The following NMRK1 variants were observed in gnomAD, a reference collection of about 807,000 sequenced individuals.
NMRK1 encodes the protein NRK 1.
NMRK1 carries 28 observed loss-of-function variants against 29.9 expected under a neutral mutation model. The ratio of observed to expected loss-of-function variants is 0.94; its 90% CI spans 0.69 to 1.28. The LOEUF (loss-of-function observed/expected upper bound fraction) is 1.28, where lower values mean the gene tolerates loss of function less well. Ranked by LOEUF, NMRK1 falls within the 50% of genes most tolerant of loss-of-function variation. NMRK1 has a pLI of 0.00. For synonymous variants in NMRK1, 58 were observed against 73.0 expected, an observed-to-expected ratio of 0.79 and a Z score of 1.05; for missense variants, 218 against 233.1, an observed-to-expected ratio of 0.94 and a Z score of 0.42.
chr9:75,085,733 T>TTTG (rs1486844335), intron 1 of NMRK1, among the ~76,000 whole-genome samples: 16 of 131,838 alleles, frequency 1.2e-4, no homozygotes, highest in South Asian at 2.5e-4. Context: ...TAAGTTTTTT[T>TTTG]TTTTTTTTTT....
chr9:75,085,955 C>T (rs1328140699), intron 1 of NMRK1, among the ~76,000 whole-genome samples: 1 of 150,488 alleles, frequency 6.6e-6, no homozygotes, highest in African/African-American at 2.4e-5. Context: ...GCCTAGCAAT[C>T]CCTGAAGGCA....
At chr9:75,080,714 G>C (rs1237439250) in intron 2 of NMRK1, among the ~76,000 whole-genome samples, 1 of 152,228 alleles carries the variant, frequency 6.6e-6, no homozygotes, top group Non-Finnish European at 1.5e-5. Flanking sequence ...CATGAGGGCA[G>C]ATCGCTCATG....
At position 75,066,759 on chromosome 9, in the gene NMRK1, T is replaced by A. The variant is rs1823377061; in HGVS notation, c.578A>T (p.Lys193Met). ...CACTTTGTTAGCACAATACTTACAC[T>A]TTTGCTTTGCTAGTTCTTGTATTAG... Reference protein sequence around the residue: ...EDLIQELAKQKCLQVTA With the variant: ...EDLIQELAKQMCLQVTA The change falls in exon 8 of 9, where the codon AAG becomes ATG. Residue 193 changes from lysine (K) to methionine (M), a missense_variant and splice_region_variant. Coordinates refer to ENST00000361092, the MANE Select transcript of NMRK1 (RefSeq NM_017881.3). The A allele has an allele frequency of 6.4e-7, 1 of 1,567,440 alleles. No homozygotes were observed. The highest frequency in any genetic ancestry group is 8.8e-7 in the Non-Finnish European group (1 of 1,137,616).
intron 2 of NMRK1, among the ~76,000 whole-genome samples, chr9:75,079,070 A>G (rs954194480): frequency 1.3e-5 from 2 of 152,222 alleles, no homozygotes; most frequent in African/African-American, 4.8e-5. Flanking sequence ...GCTTAATCCC[A>G]GATGAGATCA....
intron 8 of NMRK1, among the ~76,000 whole-genome samples, chr9:75,063,301 A>G (rs560795310): frequency 0.19 from 18,220 of 97,836 alleles, 1,612 homozygotes; most frequent in Non-Finnish European, 0.25. Context: ...GCGAGACTCC[A>G]TCTCAAAAAA....
intron 8 of NMRK1, among the ~76,000 whole-genome samples, chr9:75,063,800 A>G (rs925056814): frequency 7.2e-5 from 11 of 152,192 alleles, no homozygotes; most frequent in African/African-American, 2.7e-4. Context: ...TGCTGAGGGT[A>G]CCTTCAGGAA....
Position 75,069,952 on chromosome 9 carries a change from T to C in NMRK1, c.260A>G (p.Glu87Gly). Residue 87 changes from glutamate to glycine, a missense_variant, in exon 5 of 9, where the codon GAA (glutamate) becomes GGA (glycine). Coordinates refer to ENST00000361092, the MANE Select transcript of NMRK1 (RefSeq NM_017881.3). ...ARHSVVSTDQ[E>G]SAEEIPILII... ...TAAAATGGGAATTTCCTCAGCACTTTCCTGGTCTGTTGATACCACAGAGTG... is the reference window on the plus strand; with the variant it reads ...TAAAATGGGAATTTCCTCAGCACTTCCCTGGTCTGTTGATACCACAGAGTG... The C allele has an allele frequency of 6.2e-7, 1 of 1,614,042 alleles. No individual in the cohort carries two copies. The highest frequency in any genetic ancestry group is 8.5e-7 in the Non-Finnish European group (1 of 1,179,946).
At position 75,070,634 on chromosome 9, in the gene NMRK1, C is replaced by T. The variant is rs1055795774; in HGVS notation, c.170-592G>A. 2.6e-5 allele frequency among the ~76,000 whole-genome samples: 4 copies of T among 152,270 alleles called. No homozygotes were observed. The South Asian group carries it at 6.2e-4, about 24-fold the overall frequency. The stretch of plus-strand genomic sequence containing the variant: ...AGCTTTTAAAAGTATGGTACTTAAA[C>T]CAGTAGTATTAGCATCACCTGGGAA... On this transcript the variant is annotated intron_variant, in intron 4 of 8. Coordinates refer to ENST00000361092, the MANE Select transcript of NMRK1 (RefSeq NM_017881.3).
chr9:75,075,497 C>T (rs1823936627), intron 4 of NMRK1, among the ~76,000 whole-genome samples: 1 of 152,084 alleles, frequency 6.6e-6, no homozygotes, highest in Admixed American at 6.5e-5. Flanking sequence ...AAATAGAGAA[C>T]ATTATGACTT....
intron 4 of NMRK1, among the ~76,000 whole-genome samples, chr9:75,073,035 T>A (rs1283201351): frequency 6.6e-6 from 1 of 152,214 alleles, no homozygotes; most frequent in Admixed American, 6.5e-5. Context: ...AAAGTCCTAA[T>A]GCCCAGTTCT....
chr9:75,066,184 A>T, intron 8 of NMRK1: 1 of 480,166 alleles, frequency 2.1e-6, no homozygotes. Flanking sequence ...CACTAGGCAT[A>T]AATGAGTTAA....
At position 75,061,481 on chromosome 9, in the gene NMRK1, G is replaced by A; in HGVS notation, c.*67C>T. 1 of 1,206,782 alleles carries A rather than the reference G, an allele frequency of 8.3e-7. No homozygotes were observed. The highest frequency in any genetic ancestry group is 1.3e-5 in the South Asian group (1 of 78,252). The allele number at this position is 1,206,782 out of a possible 1,614,324, so 74.8% of individuals were successfully genotyped here. ...ACCACAGTATACATTGTATCTTGGT[G>A]AAGGTTCTTAAATTACTCCTTGGAG... is the stretch of plus-strand genomic sequence containing the variant. On this transcript the variant is annotated 3_prime_UTR_variant, in exon 9 of 9. Transcript: ENST00000361092.
chr9:75,078,105 G>A (rs1824108736), intron 2 of NMRK1, among the ~76,000 whole-genome samples: 2 of 152,198 alleles, frequency 1.3e-5, no homozygotes, highest in African/African-American at 4.8e-5. Flanking sequence ...TAACTACCAA[G>A]TAAGGGAACT....
intron 1 of NMRK1, among the ~76,000 whole-genome samples, chr9:75,085,087 T>C: frequency 6.6e-6 from 1 of 152,328 alleles, no homozygotes; most frequent in African/African-American, 2.4e-5. Flanking sequence ...TACAAAACTA[T>C]GTTGTCAGAA....
intron 2 of NMRK1, chr9:75,078,308 T>A (rs766121650): frequency 6.4e-7 from 1 of 1,560,728 alleles, no homozygotes; most frequent in African/African-American, 1.4e-5. Context: ...AGGAGTGGCT[T>A]ATTACAAGCC....
chr9:75,062,794 G>A (rs145233117), intron 8 of NMRK1, among the ~76,000 whole-genome samples: 91 of 152,350 alleles, frequency 6.0e-4, no homozygotes, highest in African/African-American at 2.1e-3. Context: ...CACTATGGGA[G>A]GCCAAGGCAG....
intron 2 of NMRK1, among the ~76,000 whole-genome samples, chr9:75,081,486 C>T (rs1237318093): frequency 6.6e-6 from 1 of 152,094 alleles, no homozygotes; most frequent in African/African-American, 2.4e-5. Flanking sequence ...GGAAAGAAGG[C>T]TTTCTTAGGG....
intron 4 of NMRK1, among the ~76,000 whole-genome samples, chr9:75,070,535 C>G (rs962683655): frequency 6.6e-6 from 1 of 152,126 alleles, no homozygotes; most frequent in Non-Finnish European, 1.5e-5. Flanking sequence ...GTAAAGAACA[C>G]AAATATGTCA....
At chr9:75,070,689 C>T (rs1316576194) in intron 4 of NMRK1, among the ~76,000 whole-genome samples, 1 of 152,180 alleles carries the variant, frequency 6.6e-6, no homozygotes, top group Non-Finnish European at 1.5e-5. Flanking sequence ...CTCAGCTCCA[C>T]TCCAGAACTA....
Sources: gnomAD v4.1 joint callset for allele counts (sites outside exome capture counted in the v4.1 genomes callset) on GRCh38, gnomAD v4.1.1 for gene constraint, MANE v1.5 for transcripts, NCBI Gene and HGNC (gene_info 2026-07-23, HGNC 2026-07-21) for gene names.